The following PRKCH variants were observed in gnomAD, a reference collection of about 807,000 sequenced individuals.
The protein encoded by PRKCH is protein kinase C eta type.
In PRKCH, 28 loss-of-function variants were observed where a neutral mutation model predicts 82.5. The observed-to-expected ratio is 0.34, with a 90% CI of 0.25 to 0.47. The LOEUF (loss-of-function observed/expected upper bound fraction) is 0.47, where lower values mean the gene tolerates loss of function less well. PRKCH is among the 20% of genes least tolerant of loss of function. The probability of loss-of-function intolerance (pLI) is 1.00; values close to 1 mark genes in which losing one functional copy is unlikely to be tolerated. For missense variants in PRKCH, 705 were observed against 881.8 expected (o/e 0.80, Z 2.54); for synonymous variants, 322 against 327.4 (o/e 0.98, Z 0.18).
chr14:61,239,629 C>T (rs1195807985), intron 1 of PRKCH, among the ~76,000 whole-genome samples: 1 of 152,188 alleles, frequency 6.6e-6, no homozygotes, highest in African/African-American at 2.4e-5. Context: ...TTATTCATTC[C>T]CTTAAGCTTT....
chr14:61,412,728 A>G (rs1029892562), intron 2 of PRKCH, among the ~76,000 whole-genome samples: 1 of 152,184 alleles, frequency 6.6e-6, no homozygotes, highest in African/African-American at 2.4e-5. Context: ...TTTCTCAGCA[A>G]TTCTAAAACT....
intron 9 of PRKCH, among the ~76,000 whole-genome samples, chr14:61,479,926 T>C (rs1885890372): frequency 6.6e-6 from 1 of 152,208 alleles, no homozygotes; most frequent in Non-Finnish European, 1.5e-5. Context: ...CCGGTGTTCA[T>C]CACCCCATGT....
At chr14:61,271,283 T>C (rs2045151500) in intron 1 of PRKCH, among the ~76,000 whole-genome samples, 2 of 152,150 alleles carry the variant, frequency 1.3e-5, no homozygotes, top group Admixed American at 6.5e-5. Flanking sequence ...TGAATTTCTC[T>C]CTATTCTGTT....
intron 2 of PRKCH, among the ~76,000 whole-genome samples, chr14:61,415,932 A>G (rs1263562075): frequency 6.6e-6 from 1 of 152,102 alleles, no homozygotes; most frequent in Non-Finnish European, 1.5e-5. Context: ...GTGGAATCAT[A>G]CAGTCTTTAT....
rs373268666 is a variant in PRKCH, at chr14:61,197,157, C to T, written c.-19+9489C>T. Among the ~76,000 whole-genome samples, 38 of 152,350 alleles carry T rather than the reference C, an allele frequency of 2.5e-4. 2 individuals are homozygous for T. Among genetic ancestry groups the T allele is most frequent in the East Asian group, 2.3e-3 (12 of 5,176 alleles). On this transcript the variant is annotated intron_variant, in intron 1 of 3. Coordinates refer to the PRKCH transcript ENST00000555185. Reference sequence around the variant, plus strand: ...GCTTAAGGTCCCTATACAAAGGCTTCCTCTGCCTCATTGAGCCCTCACTGA... The same window carrying T: ...GCTTAAGGTCCCTATACAAAGGCTTTCTCTGCCTCATTGAGCCCTCACTGA...
intron 1 of PRKCH, among the ~76,000 whole-genome samples, chr14:61,262,370 A>G (rs2045056762): frequency 6.6e-6 from 1 of 152,198 alleles, no homozygotes; most frequent in South Asian, 2.1e-4. Flanking sequence ...GGAATGAACT[A>G]CAGATACACA....
chr14:61,197,532 A>G (rs1230836079), intron 1 of PRKCH, among the ~76,000 whole-genome samples: 1 of 152,150 alleles, frequency 6.6e-6, no homozygotes, highest in Non-Finnish European at 1.5e-5. Context: ...TGAGTGTGCT[A>G]GCATGTACTC....
chr14:61,267,750 C>A (rs1224433670), intron 1 of PRKCH, among the ~76,000 whole-genome samples: 1 of 152,100 alleles, frequency 6.6e-6, no homozygotes, highest in Non-Finnish European at 1.5e-5. Flanking sequence ...AATTCAAAAG[C>A]ATTTTTTCCA....
intron 10 of PRKCH, among the ~76,000 whole-genome samples, chr14:61,521,130 G>A (rs1321488679): frequency 1.3e-5 from 2 of 152,204 alleles, no homozygotes; most frequent in Non-Finnish European, 2.9e-5. Flanking sequence ...TATTGTGTTA[G>A]TGTAGCATTG....
intron 10 of PRKCH, among the ~76,000 whole-genome samples, chr14:61,502,083 C>T (rs5028139): frequency 0.079 from 1,024 of 12,972 alleles, 48 homozygotes; most frequent in Non-Finnish European, 0.098. Flanking sequence ...TTTTTTTTTT[C>T]CGAGATGGAG....
intron 1 of PRKCH, among the ~76,000 whole-genome samples, chr14:61,352,828 T>C (rs1012093482): frequency 6.6e-6 from 1 of 152,088 alleles, no homozygotes; most frequent in Non-Finnish European, 1.5e-5. Context: ...AGAATGATAA[T>C]AGTATCAGTA....
At chr14:61,267,414 G>A (rs896126818) in intron 1 of PRKCH, among the ~76,000 whole-genome samples, 1 of 152,154 alleles carries the variant, frequency 6.6e-6, no homozygotes, top group Non-Finnish European at 1.5e-5. Context: ...CTAGCCCCAA[G>A]TGCATCCTTC....
intron 1 of PRKCH, among the ~76,000 whole-genome samples, chr14:61,232,496 C>G (rs2044752663): frequency 6.6e-6 from 1 of 152,240 alleles, no homozygotes; most frequent in Non-Finnish European, 1.5e-5. Flanking sequence ...GGTGGGATTA[C>G]AGGCGTGAGC....
intron 1 of PRKCH, among the ~76,000 whole-genome samples, chr14:61,288,214 T>C (rs1158797126): frequency 1.3e-5 from 2 of 152,150 alleles, no homozygotes; most frequent in African/African-American, 4.8e-5. Context: ...CTCTGTTTTT[T>C]TCATTTCTTC....
intron 1 of PRKCH, among the ~76,000 whole-genome samples, chr14:61,230,252 A>T (rs1419069742): frequency 2.0e-5 from 3 of 151,908 alleles, no homozygotes; most frequent in Admixed American, 2.0e-4. Context: ...CTTTCACCTC[A>T]TTCGGACCCG....
intron 10 of PRKCH, among the ~76,000 whole-genome samples, chr14:61,527,354 C>T (rs1484179226): frequency 6.6e-6 from 1 of 152,176 alleles, no homozygotes; most frequent in African/African-American, 2.4e-5. Flanking sequence ...TGATTAACAT[C>T]CCCACAAACC....
intron 2 of PRKCH, among the ~76,000 whole-genome samples, chr14:61,433,731 C>T (rs1421475000): frequency 6.6e-6 from 1 of 152,110 alleles, no homozygotes; most frequent in Non-Finnish European, 1.5e-5. Flanking sequence ...AGAACAGAAA[C>T]AGCAACTTTT....
chr14:61,307,881 G>A lies in PRKCH; in HGVS notation c.-19+120213G>A, dbSNP rs527652925. Among the ~76,000 whole-genome samples, 27 of 152,312 alleles carry A rather than the reference G, an allele frequency of 1.8e-4. 1 individual carries two copies. The South Asian group carries it at 5.4e-3, about 30-fold the overall frequency. On this transcript the variant is annotated intron_variant, in intron 1 of 3. Coordinates refer to the PRKCH transcript ENST00000555185. ...AGACAGGGTCTCGCTCTGTCACGCA[G>A]GCTGGAATGCAGCAGTGCAATCAGG...
chr14:61,410,686 A>G (rs1341285347), intron 2 of PRKCH, among the ~76,000 whole-genome samples: 3 of 152,174 alleles, frequency 2.0e-5, no homozygotes, highest in African/African-American at 7.2e-5. Context: ...TCCCTCTCCC[A>G]GAGCTTTCCT....
Sources: gnomAD v4.1 joint callset for allele counts (sites outside exome capture counted in the v4.1 genomes callset) on GRCh38, gnomAD v4.1.1 for gene constraint, MANE v1.5 for transcripts, NCBI Gene and HGNC (gene_info 2026-07-23, HGNC 2026-07-21) for gene names.